Variants in DTNA observed in about 807,000 individuals in gnomAD.
The protein encoded by DTNA is dystrobrevin alpha, also known as dystrophin-related protein 3.
Under a neutral mutation model 100.7 loss-of-function variants are expected in DTNA, and 43 were observed. The observed-to-expected ratio is 0.43, with a 90% CI of 0.33 to 0.55. The LOEUF is 0.55. DTNA is among the 20% of genes least tolerant of loss of function. DTNA has a pLI of 0.04. For synonymous variants in DTNA, 349 were observed against 347.9 expected, an observed-to-expected ratio of 1.00 and a Z score of -0.04; for missense variants, 798 against 953.9, an observed-to-expected ratio of 0.84 and a Z score of 2.15.
intron 11 of DTNA, among the ~76,000 whole-genome samples, chr18:34,837,705 G>T (rs2096181493): frequency 6.6e-6 from 1 of 152,296 alleles, no homozygotes; most frequent in Admixed American, 6.5e-5. Context: ...ACAGAAAGTT[G>T]GAGGATGTAG....
intron 2 of DTNA, 67 bp from the exon 3 acceptor site, chr18:34,765,894 T>A (rs1275155121): frequency 2.7e-6 from 4 of 1,496,574 alleles, no homozygotes; most frequent in Non-Finnish European, 3.7e-6. Flanking sequence ...GTTGTTTTAT[T>A]TGTAAACATT....
chr18:34,645,613 A>T (rs528275728), intron 1 of DTNA, among the ~76,000 whole-genome samples: 14 of 152,296 alleles, frequency 9.2e-5, no homozygotes, highest in African/African-American at 3.4e-4. Context: ...GATGGTGTGT[A>T]TACACTACAC....
intron 1 of DTNA, among the ~76,000 whole-genome samples, chr18:34,621,033 A>G (rs976810104): frequency 2.0e-5 from 3 of 151,944 alleles, no homozygotes; most frequent in Admixed American, 1.3e-4. Context: ...TTTGTTATCA[A>G]GGGAAAATTG....
chr18:34,664,223 C>G (rs1401349575), intron 1 of DTNA, among the ~76,000 whole-genome samples: 2 of 152,020 alleles, frequency 1.3e-5, no homozygotes, highest in African/African-American at 4.8e-5. Context: ...GTAAATCTGG[C>G]TATCTTCCAT....
chr18:34,592,127 T>C (rs372735378), intron 1 of DTNA, among the ~76,000 whole-genome samples: 79 of 152,142 alleles, frequency 5.2e-4, no homozygotes, highest in African/African-American at 1.6e-3. Flanking sequence ...TTGCCTAGAG[T>C]TGGCAGCCAC....
intron 13 of DTNA, among the ~76,000 whole-genome samples, chr18:34,842,531 T>TA (rs148447205): frequency 8.5e-4 from 130 of 152,274 alleles, no homozygotes; most frequent in African/African-American, 2.9e-3. Flanking sequence ...AGCCCTTGCC[T>TA]ACTCCTTTCT....
intron 3 of DTNA, among the ~76,000 whole-genome samples, chr18:34,767,081 T>C (rs1206346522): frequency 6.6e-6 from 1 of 152,224 alleles, no homozygotes; most frequent in African/African-American, 2.4e-5. Context: ...TTTCTTTTCT[T>C]TTTAAAAAGT....
chr18:34,829,362 G>A, intron 10 of DTNA, 38 bp from the exon 11 acceptor site: 1 of 1,534,574 alleles, frequency 6.5e-7, no homozygotes, highest in Admixed American at 2.0e-5. Context: ...TCTGTCCATG[G>A]GAAGTTTTAA....
rs1369148454 is a variant in DTNA, at chr18:34,879,484, TC to T, written c.1994-65del. ...GCACAGGTTGATTTGTGAAGCCTAC[TC>T]CTTTATTTGCAGGTCATAAAAAAAT... On this transcript the variant is annotated intron_variant, in intron 19 of 22. Transcript: ENST00000444659. 3.3e-6 allele frequency: 5 copies of T among 1,525,268 alleles called. No homozygotes were observed. The African/African-American group carries it at 6.8e-5, about 21-fold the overall frequency. 94.5% of individuals were successfully genotyped at this position (1,525,268 alleles called of 1,614,324 possible).
intron 10 of DTNA, chr18:34,829,089 T>G: frequency 6.2e-7 from 1 of 1,614,150 alleles, no homozygotes; most frequent in South Asian, 1.1e-5. Flanking sequence ...ACATGACTTC[T>G]TCTACCCTAA....
At chr18:34,646,686 GT>G (rs2143517541) in intron 1 of DTNA, among the ~76,000 whole-genome samples, 1 of 152,194 alleles carries the variant, frequency 6.6e-6, no homozygotes, top group African/African-American at 2.4e-5. Flanking sequence ...GAAGCTACTA[GT>G]TTTATTATTC....
At chr18:34,528,002 A>G (rs1418714400) in intron 1 of DTNA, among the ~76,000 whole-genome samples, 1 of 152,114 alleles carries the variant, frequency 6.6e-6, no homozygotes, top group Non-Finnish European at 1.5e-5. Context: ...TTTTTGGAGT[A>G]CACAGGAATG....
rs560413369 is a variant in DTNA, at chr18:34,591,966, A to C, written c.-2+98452A>C. Among the ~76,000 whole-genome samples the C allele has an allele frequency of 3.3e-5, 5 of 152,292 alleles. No homozygotes were observed. The East Asian group carries it at 9.7e-4, about 29-fold the overall frequency. On this transcript the variant is annotated intron_variant, in intron 1 of 19. Coordinates refer to the DTNA transcript ENST00000283365. ...CCCTAGATATGATAAAATATAACCC[A>C]AAATAGAAGATTCAAAACCATCAAC... is the stretch of plus-strand genomic sequence containing the variant.
chr18:34,877,894 G>A (rs2096833850), intron 19 of DTNA, 86 bp downstream of exon 19: 3 of 1,120,158 alleles, frequency 2.7e-6, no homozygotes, highest in South Asian at 2.6e-5. Context: ...TCTGCTTATT[G>A]TCTAATATCA....
intron 13 of DTNA, among the ~76,000 whole-genome samples, 197 bp downstream of exon 13, chr18:34,839,034 G>C (rs894934215): frequency 6.6e-6 from 1 of 152,168 alleles, no homozygotes; most frequent in Non-Finnish European, 1.5e-5. Context: ...TCATATCCTT[G>C]TTTATATATT....
At chr18:34,777,452 A>G (rs2094117419) in intron 3 of DTNA, among the ~76,000 whole-genome samples, 2 of 152,244 alleles carry the variant, frequency 1.3e-5, no homozygotes, top group Non-Finnish European at 1.5e-5. Flanking sequence ...ATTTATAGAT[A>G]TCTTCTGGGT....
At chr18:34,764,443 T>C (rs903966669) in intron 2 of DTNA, among the ~76,000 whole-genome samples, 5 of 152,224 alleles carry the variant, frequency 3.3e-5, no homozygotes, top group African/African-American at 1.2e-4. Flanking sequence ...TGTTCATCTC[T>C]TGAGAACATT....
chr18:34,741,721 G>A (rs1015692928), intron 1 of DTNA, among the ~76,000 whole-genome samples: 1 of 152,056 alleles, frequency 6.6e-6, no homozygotes, highest in Non-Finnish European at 1.5e-5. Context: ...AGATATGCAA[G>A]AAATATTCAC....
intron 1 of DTNA, among the ~76,000 whole-genome samples, chr18:34,727,566 C>CT (rs944865437): frequency 1.3e-4 from 19 of 151,202 alleles, no homozygotes; most frequent in African/African-American, 3.2e-4. Context: ...TTAAAATGTC[C>CT]TTTTTTTTTC....
Sources: gnomAD v4.1 joint callset for allele counts (sites outside exome capture counted in the v4.1 genomes callset) on GRCh38, gnomAD v4.1.1 for gene constraint, MANE v1.5 for transcripts, NCBI Gene and HGNC (gene_info 2026-07-23, HGNC 2026-07-21) for gene names.